The following TMEM212 variants were observed in gnomAD, a reference collection of about 807,000 sequenced individuals.
TMEM212 encodes the protein transmembrane protein 212.
A neutral mutation model predicts 20.5 loss-of-function variants in TMEM212; 23 were observed. The ratio of observed to expected loss-of-function variants is 1.12; its 90% CI spans 0.81 to 1.59. The LOEUF is 1.59. Ranked by LOEUF, TMEM212 falls within the 40% of genes most tolerant of loss-of-function variation. The pLI is 0.00. For missense variants in TMEM212, 211 were observed against 215.0 expected, an observed-to-expected ratio of 0.98 and a Z score of 0.12; for synonymous variants, 76 against 81.6, an observed-to-expected ratio of 0.93 and a Z score of 0.37.
At chr3:171,847,891 C>T (rs1396289833) in intron 1 of TMEM212, among the ~76,000 whole-genome samples, 1 of 152,058 alleles carries the variant, frequency 6.6e-6, no homozygotes, top group African/African-American at 2.4e-5. Context: ...TTCTTGTGCT[C>T]AAACTGGATT....
chr3:171,845,502 T>C (rs1410027507), intron 1 of TMEM212, among the ~76,000 whole-genome samples: 1 of 152,242 alleles, frequency 6.6e-6, no homozygotes, highest in Non-Finnish European at 1.5e-5. Flanking sequence ...CCTTTCAGAC[T>C]GCAACATAAT....
intron 1 of TMEM212, among the ~76,000 whole-genome samples, chr3:171,850,678 C>T (rs907766293): frequency 1.3e-5 from 2 of 152,178 alleles, no homozygotes; most frequent in African/African-American, 4.8e-5. Flanking sequence ...TTTATGCTGG[C>T]TCACCCTCCA....
intron 3 of TMEM212, among the ~76,000 whole-genome samples, chr3:171,856,455 G>T (rs917161179): frequency 3.3e-5 from 5 of 152,154 alleles, no homozygotes; most frequent in Non-Finnish European, 7.4e-5. Flanking sequence ...AACCACCCCA[G>T]GTGAAGCAGT....
At chr3:171,844,452 A>AT (rs1166386168) in intron 1 of TMEM212, among the ~76,000 whole-genome samples, 5 of 152,190 alleles carry the variant, frequency 3.3e-5, no homozygotes, top group African/African-American at 1.2e-4. Context: ...TCACGCTTGT[A>AT]ATCCCAGCAC....
At chr3:171,849,212 T>C (rs562373442) in intron 1 of TMEM212, among the ~76,000 whole-genome samples, 27 of 152,214 alleles carry the variant, frequency 1.8e-4, no homozygotes, top group Non-Finnish European at 2.4e-4. Context: ...TGAAATCACA[T>C]CCATCCTTAA....
intron 1 of TMEM212, among the ~76,000 whole-genome samples, chr3:171,850,527 T>C (rs1426066396): frequency 6.6e-6 from 1 of 152,254 alleles, no homozygotes; most frequent in Non-Finnish European, 1.5e-5. Context: ...CTTGCTTATC[T>C]GGCTTCAGTG....
intron 1 of TMEM212, among the ~76,000 whole-genome samples, chr3:171,845,453 GT>G (rs1185844031): frequency 6.6e-6 from 1 of 152,022 alleles, no homozygotes; most frequent in African/African-American, 2.4e-5. Context: ...CATGATTAGA[GT>G]TCAACCCTAC....
intron 3 of TMEM212, 122 bp downstream of exon 3, chr3:171,853,972 A>G (rs1725053864): frequency 1.3e-6 from 1 of 748,542 alleles, no homozygotes; most frequent in Non-Finnish European, 2.1e-6. Flanking sequence ...TGCTTTTGAT[A>G]TCCAGGTCTG....
intron 1 of TMEM212, among the ~76,000 whole-genome samples, chr3:171,845,671 C>T (rs1724814213): frequency 6.6e-6 from 1 of 152,104 alleles, no homozygotes. Flanking sequence ...GAGGTGGCAG[C>T]ATCAGGAAAT....
Position 171,853,661 on chromosome 3 carries a change from T to C in TMEM212, c.354T>C (p.Leu118=), listed in dbSNP as rs1725042276. 4.6e-6 allele frequency: 7 copies of C among 1,537,520 alleles called. No individual in the cohort carries two copies. Among genetic ancestry groups the C allele is most frequent in the African/African-American group, 1.4e-5 (1 of 73,146 alleles). ...CAGGGATTGCAGGGACTAATTACCT[T>C]GGCTATGCAGTTACCTTTCCTTATC... is the stretch of plus-strand genomic sequence containing the variant. ...SFSGIAGTNY[L]GYAVTFPYPY... The change falls in exon 3 of 5, where the codon CTT becomes CTC. Residue 118 remains leucine, a synonymous_variant. Coordinates refer to ENST00000334567, the MANE Select transcript of TMEM212 (RefSeq NM_001164436.2).
At chr3:171,848,775 A>T (rs1242166588) in intron 1 of TMEM212, among the ~76,000 whole-genome samples, 2 of 152,078 alleles carry the variant, frequency 1.3e-5, no homozygotes, top group African/African-American at 4.8e-5. Context: ...TTTTGGTCAG[A>T]TATAAAAATA....
chr3:171,847,591 A>T (rs1026611295), intron 1 of TMEM212, among the ~76,000 whole-genome samples: 5 of 152,226 alleles, frequency 3.3e-5, no homozygotes, highest in African/African-American at 1.2e-4. Context: ...AAGAGACATC[A>T]ATATAGAACA....
intron 2 of TMEM212, among the ~76,000 whole-genome samples, chr3:171,853,171 G>A (rs146717402): frequency 4.0e-5 from 6 of 149,368 alleles, no homozygotes; most frequent in East Asian, 2.0e-4. Context: ...AATGAAAGGC[G>A]GCAGGAGGGA....
At chr3:171,845,939 C>T (rs1256611622) in intron 1 of TMEM212, among the ~76,000 whole-genome samples, 2 of 152,216 alleles carry the variant, frequency 1.3e-5, no homozygotes. Flanking sequence ...TCTTCAAATG[C>T]TAGTTAATAC....
intron 1 of TMEM212, among the ~76,000 whole-genome samples, chr3:171,849,099 T>G (rs969552145): frequency 3.3e-5 from 5 of 152,112 alleles, no homozygotes; most frequent in African/African-American, 1.2e-4. Context: ...CTCCTTTCAG[T>G]GTGGACTCCT....
intron 1 of TMEM212, among the ~76,000 whole-genome samples, chr3:171,850,996 TG>T (rs1724964701): frequency 1.3e-5 from 2 of 152,332 alleles, no homozygotes; most frequent in South Asian, 4.1e-4. Context: ...CACAACCATG[TG>T]GGTAAAAATG....
chr3:171,855,076 CTAAT>C (rs3051292), intron 3 of TMEM212, among the ~76,000 whole-genome samples: 32,830 of 151,894 alleles, frequency 0.22, 3,662 homozygotes, highest in Middle Eastern at 0.27. Flanking sequence ...TAATACAAAA[CTAAT>C]TAGTTAAAAC....
intron 1 of TMEM212, among the ~76,000 whole-genome samples, chr3:171,848,609 G>GAATAGAATAGAATAGAATA (rs199987799): frequency 2.0e-5 from 3 of 152,128 alleles, no homozygotes; most frequent in African/African-American, 7.2e-5. Flanking sequence ...GAATAGAATA[G>GAATAGAATAGAATAGAATA]AACAGAGGAG....
In TMEM212 at chr3:171,858,449, G is replaced by A. The variant is rs1725168289; in HGVS notation, c.*392G>A. On this transcript the variant is annotated 3_prime_UTR_variant, in exon 5 of 5. Coordinates refer to ENST00000334567, the MANE Select transcript of TMEM212 (RefSeq NM_001164436.2). ...AGATGGATTAAAGACTTAAATGTAA[G>A]ACCTAAAACCATAAAAACCCTAGAA... 1 of 151,996 alleles carries A rather than the reference G, an allele frequency of 6.6e-6. No homozygotes were observed. The highest frequency in any genetic ancestry group is 2.4e-5 in the African/African-American group (1 of 41,334). 9.4% of individuals were successfully genotyped at this position (151,996 alleles called of 1,614,324 possible). A position where few individuals can be genotyped will look rare whatever the true frequency, so the allele number is the denominator to read the frequency against.
Sources: allele counts gnomAD v4.1 joint callset (sites outside exome capture counted in the v4.1 genomes callset), GRCh38; gene constraint gnomAD v4.1.1; transcripts MANE v1.5; gene names NCBI Gene and HGNC (gene_info 2026-07-23, HGNC 2026-07-21).